ATP6V1A: variants seen among roughly 807,000 people sequenced by gnomAD.
The protein encoded by ATP6V1A is V-type proton ATPase catalytic subunit A.
A neutral mutation model predicts 70.1 loss-of-function variants in ATP6V1A; 18 were observed. The observed-to-expected ratio is 0.26, with a 90% CI of 0.18 to 0.38. ATP6V1A has a LOEUF of 0.38. Among genes scored for constraint, ATP6V1A ranks in the 10% least tolerant of loss-of-function variants. ATP6V1A has a pLI of 1.00. For missense variants in ATP6V1A, 424 were observed against 772.4 expected, an observed-to-expected ratio of 0.55 and a Z score of 5.35; for synonymous variants, 232 against 253.8, an observed-to-expected ratio of 0.91 and a Z score of 0.82.
intron 14 of ATP6V1A, among the ~76,000 whole-genome samples, chr3:113,808,395 G>A (rs1709303950): frequency 6.9e-6 from 1 of 144,410 alleles, no homozygotes; most frequent in Non-Finnish European, 1.5e-5. Flanking sequence ...GGGTTCAAGC[G>A]AGTCTCCTGC....
Position 113,809,351 on chromosome 3 carries a change from G to A in ATP6V1A, c.1778G>A (p.Gly593Asp), listed in dbSNP as rs1172298592. The A allele has an allele frequency of 1.2e-6, 2 of 1,613,246 alleles. No individual in the cohort carries two copies. The highest frequency in any genetic ancestry group is 1.7e-6 in the Non-Finnish European group (2 of 1,179,492). ...SMKFKDPLKD[G>D]EAKIKSDYAQ... ...TTCTTTCAGGATCCACTGAAAGATG[G>A]TGAGGCAAAGATCAAAAGCGACTAT... Residue 593 changes from glycine to aspartate, a missense_variant, in exon 15 of 15, where the codon GGT (glycine) becomes GAT (aspartate). Coordinates refer to ENST00000273398, the MANE Select transcript of ATP6V1A (RefSeq NM_001690.4).
chr3:113,795,553 CT>C (rs1485811653), intron 10 of ATP6V1A, among the ~76,000 whole-genome samples: 1 of 151,752 alleles, frequency 6.6e-6, no homozygotes, highest in African/African-American at 2.4e-5. Context: ...TAAAGCCATA[CT>C]TTTTTCTTAG....
intron 12 of ATP6V1A, among the ~76,000 whole-genome samples, chr3:113,798,837 C>T (rs1019466215): frequency 2.0e-5 from 3 of 152,076 alleles, no homozygotes; most frequent in African/African-American, 7.2e-5. Flanking sequence ...TTGGATTCTT[C>T]AAGGAAAGAT....
intron 3 of ATP6V1A, among the ~76,000 whole-genome samples, chr3:113,783,518 C>T (rs1709003924): frequency 6.6e-6 from 1 of 152,202 alleles, no homozygotes; most frequent in South Asian, 2.1e-4. Context: ...TCCTCAGCAG[C>T]ATATGTGAAG....
At chr3:113,753,350 TGTTA>T (rs1016475240) in intron 1 of ATP6V1A, among the ~76,000 whole-genome samples, 9 of 152,222 alleles carry the variant, frequency 5.9e-5, no homozygotes, top group African/African-American at 2.2e-4. Flanking sequence ...AGATGTGAAG[TGTTA>T]GAGTTTTTCC....
At chr3:113,783,067 A>G (rs982589790) in intron 3 of ATP6V1A, among the ~76,000 whole-genome samples, 10 of 152,200 alleles carry the variant, frequency 6.6e-5, no homozygotes, top group African/African-American at 1.7e-4. Context: ...AATTTTCATA[A>G]TCAAAATTGG....
Position 113,784,743 on chromosome 3 carries a change from G to T in ATP6V1A, c.474G>T (p.Glu158Asp). The part of the protein sequence containing the change: ...TGGDIYGIVS[E>D]NSLIKHKIML... The stretch of plus-strand genomic sequence containing the variant: ...GAGACATTTATGGAATTGTCAGTGA[G>T]AACTCGCTTATCAAACACAAAATCA... The change falls in exon 5 of 15, where the codon GAG becomes GAT. Residue 158 changes from glutamate (E) to aspartate (D), a missense_variant. Glu to Asp is a conservative substitution (Grantham distance 45, BLOSUM62 2). Coordinates refer to ENST00000273398, the MANE Select transcript of ATP6V1A (RefSeq NM_001690.4). 6.2e-7 allele frequency: 1 copy of T among 1,614,064 alleles called. No individual in the cohort carries two copies. Among genetic ancestry groups the T allele is most frequent in the South Asian group, 1.1e-5 (1 of 91,080 alleles).
intron 1 of ATP6V1A, among the ~76,000 whole-genome samples, chr3:113,774,300 T>C (rs1182939925): frequency 6.6e-6 from 1 of 152,130 alleles, no homozygotes; most frequent in East Asian, 1.9e-4. Context: ...ACTTTAGAAA[T>C]GGACACTTTA....
Position 113,788,803 on chromosome 3 carries a change from T to C in ATP6V1A, c.807T>C (p.Ser269=), listed in dbSNP as rs758651035. The change falls in exon 7 of 15, where the codon AGT becomes AGC. Residue 269 remains serine, a synonymous_variant. Transcript: ENST00000273398. The part of the protein sequence containing the change: ...ISQSLSKYSN[S]DVIIYVGCGE... ...AGTCTCTATCCAAGTATTCTAACAG[T>C]GATGTAATCATCTATGTAGGATGTG... 1 of 1,613,896 alleles carries C rather than the reference T, an allele frequency of 6.2e-7. No homozygotes were observed. The highest frequency in any genetic ancestry group is 8.5e-7 in the Non-Finnish European group (1 of 1,179,862).
At chr3:113,785,903 C>A (rs1170188445) in intron 5 of ATP6V1A, among the ~76,000 whole-genome samples, 1 of 136,694 alleles carries the variant, frequency 7.3e-6, no homozygotes, top group African/African-American at 2.8e-5. Flanking sequence ...TGGGGTGTCA[C>A]TATGTTGCCT....
chr3:113,753,073 A>G (rs542296151), intron 1 of ATP6V1A, among the ~76,000 whole-genome samples: 1 of 152,278 alleles, frequency 6.6e-6, no homozygotes, highest in South Asian at 2.1e-4. Context: ...AAAAGGCTTG[A>G]GATATATGTA....
chr3:113,784,261 T>G lies in ATP6V1A; in HGVS notation c.249T>G (p.Gly83=). ...TTGGAGATCCTGTACTTCGCACTGG[T>G]AAACCCCTCTCTGTAGAGCTTGGTC... ...VSVGDPVLRT[G]KPLSVELGPG... Residue 83 remains glycine (G), a synonymous_variant, in exon 4 of 15, where the codon GGT becomes GGG. Transcript: ENST00000273398. 1.2e-6 allele frequency: 2 copies of G among 1,614,218 alleles called. No individual in the cohort carries two copies. Among genetic ancestry groups the G allele is most frequent in the East Asian group, 2.2e-5 (1 of 44,880 alleles).
intron 11 of ATP6V1A, among the ~76,000 whole-genome samples, chr3:113,796,415 TG>T (rs888751827): frequency 1.3e-5 from 2 of 152,174 alleles, no homozygotes; most frequent in Non-Finnish European, 1.5e-5. Context: ...ACAAGGGAGC[TG>T]GGCCTTGTGG....
At chr3:113,779,918 A>AT (rs1198302797) in intron 2 of ATP6V1A, among the ~76,000 whole-genome samples, 1 of 152,168 alleles carries the variant, frequency 6.6e-6, no homozygotes, top group Non-Finnish European at 1.5e-5. Flanking sequence ...GGTGTGTTAC[A>AT]TAGGTATACA....
intron 3 of ATP6V1A, among the ~76,000 whole-genome samples, chr3:113,782,018 G>A (rs1175548109): frequency 6.6e-6 from 1 of 152,088 alleles, no homozygotes; most frequent in Non-Finnish European, 1.5e-5. Context: ...AAAAATAAAG[G>A]GTTAAGCCTA....
At chr3:113,772,811 G>T (rs1015953781) in intron 1 of ATP6V1A, among the ~76,000 whole-genome samples, 2 of 151,592 alleles carry the variant, frequency 1.3e-5, no homozygotes, top group Admixed American at 1.3e-4. Context: ...TATGAAAGAT[G>T]TGGTAAGAGC....
At chr3:113,779,656 G>A (rs765006086) in intron 2 of ATP6V1A, among the ~76,000 whole-genome samples, 64 of 152,054 alleles carry the variant, frequency 4.2e-4, no homozygotes, top group Non-Finnish European at 7.4e-4. Flanking sequence ...TCATTGGCAG[G>A]TCATTAAAAG....
chr3:113,776,351 CA>C (rs1413652766), intron 1 of ATP6V1A, among the ~76,000 whole-genome samples: 2 of 152,134 alleles, frequency 1.3e-5, no homozygotes, highest in Non-Finnish European at 2.9e-5. Context: ...GCCTGCGTGA[CA>C]GCGAGAACTT....
chr3:113,782,542 C>CTATA (rs1553709712), intron 3 of ATP6V1A, among the ~76,000 whole-genome samples: 15 of 141,164 alleles, frequency 1.1e-4, no homozygotes, highest in African/African-American at 3.2e-4. Context: ...CTCTCTCTCT[C>CTATA]TATATATATA....
Sources: gnomAD v4.1 joint callset for allele counts (sites outside exome capture counted in the v4.1 genomes callset) on GRCh38, gnomAD v4.1.1 for gene constraint, MANE v1.5 for transcripts, NCBI Gene and HGNC (gene_info 2026-07-23, HGNC 2026-07-21) for gene names.